Variants in ZBTB8A observed in about 807,000 individuals in gnomAD.
ZBTB8A encodes the protein zinc finger and BTB domain containing 8A.
In ZBTB8A, 19 loss-of-function variants were observed where a neutral mutation model predicts 37.8. The observed-to-expected ratio is 0.50, with a 90% confidence interval of 0.35 to 0.74. The LOEUF (loss-of-function observed/expected upper bound fraction) is 0.74. Ranked by LOEUF, ZBTB8A falls within the 30% of genes least tolerant of loss-of-function variation. The pLI is 0.01. For missense variants in ZBTB8A, 394 were observed against 537.8 expected, an observed-to-expected ratio of 0.73 and a Z score of 2.65; for synonymous variants, 181 against 185.2, an observed-to-expected ratio of 0.98 and a Z score of 0.19.
intron 2 of ZBTB8A, among the ~76,000 whole-genome samples, chr1:32,554,602 C>A (rs1644185741): frequency 6.6e-6 from 1 of 151,810 alleles, no homozygotes; most frequent in Non-Finnish European, 1.5e-5. Context: ...CCTCAGCCTC[C>A]AGAGTAACTG....
chr1:32,583,446 C>T (rs1644423197), intron 2 of ZBTB8A, among the ~76,000 whole-genome samples: 1 of 150,556 alleles, frequency 6.6e-6, no homozygotes, highest in African/African-American at 2.4e-5. Flanking sequence ...GATGGTGAGG[C>T]ATTAATATAG....
chr1:32,597,068 G>A (rs993159416), intron 4 of ZBTB8A, among the ~76,000 whole-genome samples: 8 of 151,656 alleles, frequency 5.3e-5, no homozygotes, highest in Non-Finnish European at 1.0e-4. Context: ...GTGTAATGGC[G>A]TGATCTTGCC....
chr1:32,563,202 G>A (rs1644256249), intron 2 of ZBTB8A, among the ~76,000 whole-genome samples: 1 of 152,108 alleles, frequency 6.6e-6, no homozygotes, highest in African/African-American at 2.4e-5. Context: ...GCTCCTGATA[G>A]AATCACGTGA....
At chr1:32,571,088 C>A (rs1644319395) in intron 2 of ZBTB8A, among the ~76,000 whole-genome samples, 1 of 152,104 alleles carries the variant, frequency 6.6e-6, no homozygotes, top group African/African-American at 2.4e-5. Flanking sequence ...GTTGGTCAGG[C>A]TGGTCTCAAA....
chr1:32,550,398 C>CT (rs200251466), intron 1 of ZBTB8A, among the ~76,000 whole-genome samples: 2,920 of 152,068 alleles, frequency 0.019, 31 homozygotes, highest in Middle Eastern at 0.031. Context: ...GGGTGGATTG[C>CT]TTGAGTCCAG....
At chr1:32,555,419 A>T (rs893483985) in intron 2 of ZBTB8A, among the ~76,000 whole-genome samples, 6 of 152,072 alleles carry the variant, frequency 3.9e-5, no homozygotes, top group African/African-American at 1.4e-4. Flanking sequence ...CATCTCCCCA[A>T]TAGGTTGCAT....
At chr1:32,548,911 G>A (rs1557701007) in intron 1 of ZBTB8A, among the ~76,000 whole-genome samples, 1 of 152,098 alleles carries the variant, frequency 6.6e-6, no homozygotes, top group Non-Finnish European at 1.5e-5. Context: ...ACCTGGCCGG[G>A]GCCAGGCACC....
At chr1:32,542,122 A>G (rs1644060928) in intron 1 of ZBTB8A, among the ~76,000 whole-genome samples, 1 of 152,238 alleles carries the variant, frequency 6.6e-6, no homozygotes, top group African/African-American at 2.4e-5. Context: ...TTTATCCATC[A>G]AGGAATACAG....
At chr1:32,543,700 A>C (rs1644076840) in intron 1 of ZBTB8A, among the ~76,000 whole-genome samples, 1 of 151,922 alleles carries the variant, frequency 6.6e-6, no homozygotes, top group African/African-American at 2.4e-5. Flanking sequence ...TTTTTTAGAC[A>C]AAGTCTCGTT....
intron 2 of ZBTB8A, among the ~76,000 whole-genome samples, chr1:32,571,326 CAGTTGG>C (rs1313719896): frequency 1.1e-4 from 16 of 152,334 alleles, no homozygotes; most frequent in Middle Eastern, 3.4e-3. Context: ...AAGATATTAG[CAGTTGG>C]CTTTTTGTAG....
chr1:32,595,270 T>C (rs751684750), intron 4 of ZBTB8A, 47 bp downstream of exon 4: 94 of 1,594,896 alleles, frequency 5.9e-5, no homozygotes, highest in Non-Finnish European at 8.0e-5. Flanking sequence ...TTTTTGGTTT[T>C]TGTTTTTGTT....
intron 2 of ZBTB8A, among the ~76,000 whole-genome samples, chr1:32,571,077 T>C (rs980457689): frequency 1.3e-5 from 2 of 152,108 alleles, no homozygotes; most frequent in Non-Finnish European, 2.9e-5. Flanking sequence ...GGCTTCACCA[T>C]GTTGGTCAGG....
chr1:32,599,883 G>A (rs704887), intron 4 of ZBTB8A, among the ~76,000 whole-genome samples: 50,408 of 151,898 alleles, frequency 0.33, 8,658 homozygotes, highest in East Asian at 0.49. Context: ...AAACATGATA[G>A]CCACTATTTA....
intron 2 of ZBTB8A, among the ~76,000 whole-genome samples, chr1:32,587,302 G>A (rs1644457260): frequency 6.6e-6 from 1 of 152,054 alleles, no homozygotes; most frequent in Non-Finnish European, 1.5e-5. Flanking sequence ...CAGCAGTCTT[G>A]GAGAGAAGTG....
chr1:32,557,109 C>T (rs542729055), intron 2 of ZBTB8A, among the ~76,000 whole-genome samples: 10 of 152,106 alleles, frequency 6.6e-5, no homozygotes, highest in African/African-American at 2.2e-4. Context: ...CGAGAACAGC[C>T]TGGCCAACAT....
chr1:32,583,698 T>C (rs1644424663), intron 2 of ZBTB8A, among the ~76,000 whole-genome samples: 1 of 152,080 alleles, frequency 6.6e-6, no homozygotes, highest in Admixed American at 6.6e-5. Context: ...CCAGTATCAC[T>C]GGTGTCCTTA....
chr1:32,575,711 G>T (rs1040153542), intron 2 of ZBTB8A, among the ~76,000 whole-genome samples: 3 of 151,336 alleles, frequency 2.0e-5, no homozygotes, highest in East Asian at 1.9e-4. Context: ...AAAAAAATAG[G>T]CATGATGGTG....
intron 1 of ZBTB8A, among the ~76,000 whole-genome samples, chr1:32,548,302 A>T (rs945779661): frequency 4.7e-5 from 7 of 148,286 alleles, no homozygotes; most frequent in African/African-American, 7.4e-5. Flanking sequence ...GTCAAAAAAC[A>T]TTTTTTTTTT....
intron 2 of ZBTB8A, among the ~76,000 whole-genome samples, chr1:32,567,825 A>AAACAAAAACAAAAC (rs1553178097): frequency 7.8e-5 from 5 of 63,696 alleles, no homozygotes; most frequent in East Asian, 5.5e-4. Context: ...AAAAAAAAAC[A>AAACAAAAACAAAAC]AAAACAAAAC....
Sources: allele counts gnomAD v4.1 joint callset (sites outside exome capture counted in the v4.1 genomes callset), GRCh38; gene constraint gnomAD v4.1.1; transcripts MANE v1.5; gene names NCBI Gene and HGNC (gene_info 2026-07-23, HGNC 2026-07-21).